NIPBL: variants seen among roughly 807,000 people sequenced by gnomAD.
NIPBL encodes the protein NIPBL cohesin loading factor.
In NIPBL, 19 loss-of-function variants were observed where a neutral mutation model predicts 321.8. That is an observed-to-expected ratio of 0.06 (90% CI 0.04 to 0.09). The LOEUF is 0.09. NIPBL is among the 10% of genes least tolerant of loss of function. The pLI is 1.00. For synonymous variants in NIPBL, 1,106 were observed against 1,114.1 expected (o/e 0.99, Z 0.14); for missense variants, 2,210 against 3,327.0 (o/e 0.66, Z 8.26).
At chr5:36,919,307 C>T (rs1318063101) in intron 1 of NIPBL, among the ~76,000 whole-genome samples, 1 of 151,668 alleles carries the variant, frequency 6.6e-6, no homozygotes, top group Non-Finnish European at 1.5e-5. Flanking sequence ...CCATATATTT[C>T]AGTTGACATT....
rs755790180 is a variant in NIPBL, at chr5:37,003,318, G to T, written c.3826G>T (p.Gly1276Trp). The T allele has an allele frequency of 1.2e-6, 2 of 1,606,184 alleles. No individual in the cohort carries two copies. The highest frequency in any genetic ancestry group is 1.3e-5 in the African/African-American group (1 of 74,738). Residue 1276 changes from glycine to tryptophan, a missense_variant, in exon 16 of 47, where the codon GGG (glycine) becomes TGG (tryptophan). Physicochemically the swap from Gly to Trp is radical, Grantham distance 184 (BLOSUM62 -2). Transcript: ENST00000282516. ...TATCTTGGAGAAGAATATTCAGGAT[G>T]GGTCAAAGCTTTCCACTTTGTTAAA... ...LNILEKNIQD[G>W]SKLSTLLNHN...
At chr5:36,883,400 A>G (rs1378731443) in intron 1 of NIPBL, among the ~76,000 whole-genome samples, 1 of 151,926 alleles carries the variant, frequency 6.6e-6, no homozygotes, top group Non-Finnish European at 1.5e-5. Context: ...TGAGAAATGC[A>G]GAAGCTGTGA....
intron 6 of NIPBL, among the ~76,000 whole-genome samples, chr5:36,964,840 A>G (rs1222221271): frequency 1.3e-5 from 2 of 152,170 alleles, no homozygotes; most frequent in African/African-American, 2.4e-5. Context: ...TAGCAAAACA[A>G]TAACAACAGA....
In NIPBL at chr5:36,877,647, C is replaced by T. The variant is rs567092525; in HGVS notation, c.-80+469C>T. On this transcript the variant is annotated intron_variant, in intron 1 of 46. Transcript: ENST00000282516. ...GGGAGTGGGGAACGTCCCAGTGAAA[C>T]AAACAACCTCCCTTCTTCCCCCTGT... Among the ~76,000 whole-genome samples, 31 of 152,310 alleles carry T rather than the reference C, an allele frequency of 2.0e-4. No homozygotes were observed. The South Asian group carries it at 5.8e-3, about 28-fold the overall frequency.
chr5:36,974,811 TTC>T (rs1003330024), intron 8 of NIPBL, among the ~76,000 whole-genome samples: 6 of 152,134 alleles, frequency 3.9e-5, no homozygotes, highest in Admixed American at 3.9e-4. Flanking sequence ...TAGGTTTAAG[TTC>T]TGTCTGTAAA....
intron 9 of NIPBL, among the ~76,000 whole-genome samples, chr5:36,983,419 T>A (rs776834635): frequency 6.6e-6 from 1 of 151,882 alleles, no homozygotes; most frequent in Non-Finnish European, 1.5e-5. Context: ...CTTTGCTATA[T>A]AGAAGAAGCA....
At chr5:37,008,776 A>G in intron 20 of NIPBL, 53 bp downstream of exon 20, 1 of 892,318 alleles carries the variant, frequency 1.1e-6, no homozygotes, top group Non-Finnish European at 1.9e-6. Flanking sequence ...ATTATATTGA[A>G]CCGTCATACA....
At chr5:36,939,410 A>C (rs750855377) in intron 1 of NIPBL, among the ~76,000 whole-genome samples, 2 of 152,194 alleles carry the variant, frequency 1.3e-5, no homozygotes, top group African/African-American at 2.4e-5. Context: ...TAGGCTTTTG[A>C]AATTGGTATT....
At chr5:36,991,412 G>T (rs1745500325) in intron 10 of NIPBL, among the ~76,000 whole-genome samples, 1 of 151,986 alleles carries the variant, frequency 6.6e-6, no homozygotes, top group African/African-American at 2.4e-5. Context: ...TTTATCTAAT[G>T]AAGAAAGTAA....
rs56972789 is a variant in NIPBL, at chr5:37,048,946, G to GACACACAC, written c.6764-148_6764-141dup. Reference sequence around the variant, plus strand: ...GGTTCTCAAAGGGGCCTCTGACACAGACACACACACACACACACACACACT... The same window carrying GACACACAC: ...GGTTCTCAAAGGGGCCTCTGACACAGACACACACACACACACACACACACACACACACT... On this transcript the variant is annotated intron_variant, in intron 39 of 46. Coordinates refer to ENST00000282516, the MANE Select transcript of NIPBL (RefSeq NM_133433.4). Among the ~76,000 whole-genome samples, 166 of 148,670 alleles carry GACACACAC rather than the reference G, an allele frequency of 1.1e-3. 5 individuals are homozygous for GACACACAC. Among genetic ancestry groups the GACACACAC allele is most frequent in the Admixed American group, 7.3e-3 (109 of 14,980 alleles).
chr5:36,981,999 T>G (rs1266770658), intron 9 of NIPBL, among the ~76,000 whole-genome samples: 3 of 151,840 alleles, frequency 2.0e-5, no homozygotes, highest in African/African-American at 7.2e-5. Context: ...AGTGTTTTCA[T>G]TTATCACTTG....
chr5:37,058,860 T>C, intron 43 of NIPBL, 31 bp from the exon 44 acceptor site: 2 of 1,609,512 alleles, frequency 1.2e-6, no homozygotes, highest in Non-Finnish European at 1.7e-6. Context: ...CATTTTGTTT[T>C]TATTGTTTAT....
intron 8 of NIPBL, among the ~76,000 whole-genome samples, chr5:36,975,493 A>G (rs986282487): frequency 1.3e-5 from 2 of 152,116 alleles, no homozygotes; most frequent in African/African-American, 4.8e-5. Flanking sequence ...CTAAATATGT[A>G]TACTTTATAG....
At chr5:36,879,695 C>G (rs1417568214) in intron 1 of NIPBL, among the ~76,000 whole-genome samples, 1 of 151,988 alleles carries the variant, frequency 6.6e-6, no homozygotes, top group Non-Finnish European at 1.5e-5. Flanking sequence ...GTTCCAGTAA[C>G]CTTATAATCC....
In NIPBL at chr5:36,976,280, A is replaced by G; in HGVS notation, c.1373A>G (p.Gln458Arg). ...PQTSVVQNQQQISQQGPIYDE... is the reference protein window; with the variant it reads ...PQTSVVQNQQRISQQGPIYDE... Reference sequence around the variant, plus strand: ...ACTTCTGTGGTACAGAATCAACAACAGATATCACAACAGGGACCTATATAT... The same window carrying G: ...ACTTCTGTGGTACAGAATCAACAACGGATATCACAACAGGGACCTATATAT... The change falls in exon 9 of 47, where the codon CAG (glutamine) becomes CGG (arginine). Residue 458 changes from glutamine (Q) to arginine (R), a missense_variant. Physicochemically the swap from Gln to Arg is conservative, Grantham distance 43 (BLOSUM62 1). Coordinates refer to ENST00000282516, the MANE Select transcript of NIPBL (RefSeq NM_133433.4). 1 of 1,613,814 alleles carries G rather than the reference A, an allele frequency of 6.2e-7. No homozygotes were observed. Among genetic ancestry groups the G allele is most frequent in the Non-Finnish European group, 8.5e-7 (1 of 1,179,856 alleles).
At chr5:36,958,944 C>T (rs137897632) in intron 4 of NIPBL, among the ~76,000 whole-genome samples, 3 of 152,128 alleles carry the variant, frequency 2.0e-5, no homozygotes, top group African/African-American at 4.8e-5. Context: ...TGGTGACTCA[C>T]GCCTGTAATC....
chr5:36,965,310 G>A (rs761667740), intron 6 of NIPBL, among the ~76,000 whole-genome samples: 1 of 152,028 alleles, frequency 6.6e-6, no homozygotes, highest in Non-Finnish European at 1.5e-5. Flanking sequence ...GAGAAAAGGT[G>A]TATGTATACA....
intron 1 of NIPBL, among the ~76,000 whole-genome samples, chr5:36,900,977 G>A (rs1319273052): frequency 1.3e-5 from 2 of 151,948 alleles, no homozygotes; most frequent in Non-Finnish European, 2.9e-5. Context: ...ATTCCAGGGG[G>A]TACATGTGCA....
At chr5:37,017,445 T>C (rs1030598186) in intron 24 of NIPBL, among the ~76,000 whole-genome samples, 24 of 152,068 alleles carry the variant, frequency 1.6e-4, no homozygotes, top group African/African-American at 5.5e-4. Flanking sequence ...ATAAATTTTA[T>C]TTAAGTTTTT....
Sources: allele counts gnomAD v4.1 joint callset (sites outside exome capture counted in the v4.1 genomes callset), GRCh38; gene constraint gnomAD v4.1.1; transcripts MANE v1.5; gene names NCBI Gene and HGNC (gene_info 2026-07-23, HGNC 2026-07-21).